Variants in POFUT3 observed in about 807,000 individuals in gnomAD.
POFUT3 encodes the protein GDP-fucose protein O-fucosyltransferase 3.
At chr8:33,420,814 CA>C in the POFUT3 span, among the ~76,000 whole-genome samples, 12 of 144,146 alleles carry the variant, frequency 8.3e-5, no homozygotes, top group South Asian at 2.2e-4. Context: ...ATTCCCAATA[CA>C]AAAAAAAAAG....
chr8:33,408,916 A>G, the POFUT3 span, among the ~76,000 whole-genome samples: 1 of 152,116 alleles, frequency 6.6e-6, no homozygotes, highest in Non-Finnish European at 1.5e-5. Context: ...CTGCACACTT[A>G]AAATGTGTGC....
chr8:33,368,420 T>A, the POFUT3 span, among the ~76,000 whole-genome samples: 2 of 152,194 alleles, frequency 1.3e-5, no homozygotes, highest in African/African-American at 4.8e-5. Flanking sequence ...TGAGGCCACA[T>A]TTTACTAGTG....
the POFUT3 span, among the ~76,000 whole-genome samples, chr8:33,308,104 G>A: frequency 6.6e-6 from 1 of 152,216 alleles, no homozygotes; most frequent in African/African-American, 2.4e-5. Flanking sequence ...CAAGTAAAAT[G>A]TATGATAACA....
the POFUT3 span, among the ~76,000 whole-genome samples, chr8:33,374,878 C>CTTTTT: frequency 7.1e-6 from 1 of 141,560 alleles, no homozygotes; most frequent in Non-Finnish European, 1.5e-5. Context: ...CTTTTCTTTT[C>CTTTTT]TTTTTTTTTT....
chr8:33,343,318 G>C, the POFUT3 span, among the ~76,000 whole-genome samples: 1 of 152,114 alleles, frequency 6.6e-6, no homozygotes, highest in African/African-American at 2.4e-5. Context: ...TCATCTGATG[G>C]ATACTGATTG....
chr8:33,426,355 T>C, the POFUT3 span, among the ~76,000 whole-genome samples: 12 of 152,312 alleles, frequency 7.9e-5, no homozygotes, highest in East Asian at 1.7e-3. Context: ...GGGCTAAATA[T>C]TTTTAGAAAA....
the POFUT3 span, among the ~76,000 whole-genome samples, chr8:33,467,033 G>C: frequency 6.6e-6 from 1 of 151,922 alleles, no homozygotes; most frequent in Admixed American, 6.6e-5. Flanking sequence ...TTGAACCCAG[G>C]AGGCAGAGGT....
At chr8:33,423,975 C>G in the POFUT3 span, among the ~76,000 whole-genome samples, 1 of 151,806 alleles carries the variant, frequency 6.6e-6, no homozygotes, top group Admixed American at 6.6e-5. Context: ...CCTATCTCTA[C>G]TAAAAATACA....
At chr8:33,355,562 T>C in the POFUT3 span, among the ~76,000 whole-genome samples, 1 of 152,202 alleles carries the variant, frequency 6.6e-6, no homozygotes, top group African/African-American at 2.4e-5. Context: ...CAACTTGGGT[T>C]TGAAATTTGG....
chr8:33,422,056 A>C, the POFUT3 span, among the ~76,000 whole-genome samples: 33 of 151,916 alleles, frequency 2.2e-4, no homozygotes, highest in South Asian at 6.2e-4. Flanking sequence ...ACAAAAAAAA[A>C]CCCTGCTTTT....
At chr8:33,355,068 G>T in the POFUT3 span, among the ~76,000 whole-genome samples, 1 of 152,206 alleles carries the variant, frequency 6.6e-6, no homozygotes, top group Non-Finnish European at 1.5e-5. Context: ...ACTTTTGGAT[G>T]CAGAATTACA....
the POFUT3 span, among the ~76,000 whole-genome samples, chr8:33,454,609 C>G: frequency 6.6e-6 from 1 of 152,104 alleles, no homozygotes; most frequent in Admixed American, 6.6e-5. Flanking sequence ...CTACTAAACA[C>G]TTAGAACAAA....
chr8:33,422,071 C>G, the POFUT3 span, among the ~76,000 whole-genome samples: 1 of 152,006 alleles, frequency 6.6e-6, no homozygotes, highest in African/African-American at 2.4e-5. Flanking sequence ...GCTTTTCCCT[C>G]ACAGTCTTTT....
At chr8:33,400,972 C>A in the POFUT3 span, among the ~76,000 whole-genome samples, 1 of 151,916 alleles carries the variant, frequency 6.6e-6, no homozygotes, top group East Asian at 1.9e-4. Flanking sequence ...TCTTTTTGTT[C>A]TGTTTTTTTG....
the POFUT3 span, among the ~76,000 whole-genome samples, chr8:33,385,719 T>C: frequency 1.8e-3 from 264 of 150,746 alleles, no homozygotes; most frequent in Admixed American, 5.4e-3. Context: ...CCATCTGTAC[T>C]AAAAATACAA....
At chr8:33,339,083 C>T in the POFUT3 span, 1 of 152,032 alleles carries the variant, frequency 6.6e-6, no homozygotes, top group Non-Finnish European at 1.5e-5. Context: ...GATGCAACTA[C>T]CACTGAGAGA....
the POFUT3 span, among the ~76,000 whole-genome samples, chr8:33,431,542 T>C: frequency 8.8e-4 from 50 of 56,516 alleles, no homozygotes; most frequent in African/African-American, 2.7e-3. Flanking sequence ...AGCAAGACCC[T>C]GTCTCAAAAA....
chr8:33,361,965 G>T, the POFUT3 span, among the ~76,000 whole-genome samples: 1 of 152,084 alleles, frequency 6.6e-6, no homozygotes, highest in Non-Finnish European at 1.5e-5. Context: ...ACACGTAATT[G>T]TCAGATTCAC....
chr8:33,429,569 A>T, the POFUT3 span, among the ~76,000 whole-genome samples: 1 of 152,190 alleles, frequency 6.6e-6, no homozygotes, highest in East Asian at 1.9e-4. Context: ...AAATGCATGA[A>T]GCAATTGAGG....
Sources: allele counts gnomAD v4.1 joint callset (sites outside exome capture counted in the v4.1 genomes callset), GRCh38; gene constraint gnomAD v4.1.1; transcripts MANE v1.5; gene names NCBI Gene and HGNC (gene_info 2026-07-23, HGNC 2026-07-21).